LRGUK: variants seen among roughly 807,000 people sequenced by gnomAD.
The protein encoded by LRGUK is leucine rich repeats and guanylate kinase domain containing.
A neutral mutation model predicts 76.0 loss-of-function variants in LRGUK; 65 were observed. The observed-to-expected ratio is 0.85, with a 90% CI of 0.70 to 1.05. The LOEUF (loss-of-function observed/expected upper bound fraction) is 1.05, where lower values mean the gene tolerates loss of function less well. Among genes scored for constraint, LRGUK ranks in the 50% least tolerant of loss-of-function variants. The pLI is 0.00. For synonymous variants in LRGUK, 268 were observed against 265.6 expected (o/e 1.01, Z -0.09); for missense variants, 758 against 732.8 (o/e 1.03, Z -0.40).
chr7:134,175,311 CT>C (rs1423306069), intron 8 of LRGUK, among the ~76,000 whole-genome samples: 1 of 152,092 alleles, frequency 6.6e-6, no homozygotes, highest in Non-Finnish European at 1.5e-5. Flanking sequence ...TCCACAGGCT[CT>C]TGACTTTGCA....
intron 16 of LRGUK, among the ~76,000 whole-genome samples, chr7:134,244,856 C>T (rs1357910840): frequency 6.6e-6 from 1 of 152,088 alleles, no homozygotes; most frequent in East Asian, 1.9e-4. Context: ...ACATACACCA[C>T]GAATACTACG....
In LRGUK at chr7:134,147,434, CA is replaced by C. The variant is rs11431531; in HGVS notation, c.589-787del. ...TGAGCGACAGAGCGAGACTCCACCT[CA>C]AAAAAAAAAAAAAAAATTCTGGCAT... On this transcript the variant is annotated intron_variant, in intron 4 of 15. Coordinates refer to ENST00000645682, the Ensembl canonical transcript of LRGUK. 2.6e-3 allele frequency among the ~76,000 whole-genome samples: 266 copies of C among 101,840 alleles called. 2 individuals carry two copies. Among genetic ancestry groups the C allele is most frequent in the Admixed American group, 4.5e-3 (44 of 9,770 alleles). The allele number at this position is 101,840 out of a possible 152,430, so 66.8% of individuals were successfully genotyped here.
intron 16 of LRGUK, among the ~76,000 whole-genome samples, chr7:134,236,437 C>T (rs186527819): frequency 1.6e-4 from 24 of 152,172 alleles, no homozygotes; most frequent in African/African-American, 5.5e-4. Context: ...TTTACAAGTT[C>T]CTGTTAAAGG....
At chr7:134,252,339 T>TAATTA (rs146773478) in intron 18 of LRGUK, among the ~76,000 whole-genome samples, 39,921 of 145,562 alleles carry the variant, frequency 0.27, 5,929 homozygotes, top group Middle Eastern at 0.32. Flanking sequence ...CTCAAATAGA[T>TAATTA]AATTAAATTA....
chr7:134,179,950 T>C (rs1799666492), intron 10 of LRGUK, among the ~76,000 whole-genome samples: 1 of 152,172 alleles, frequency 6.6e-6, no homozygotes, highest in Non-Finnish European at 1.5e-5. Flanking sequence ...CTTTGGGACT[T>C]GTATGCTGCC....
intron 18 of LRGUK, among the ~76,000 whole-genome samples, chr7:134,257,241 C>T (rs1205083464): frequency 6.6e-6 from 1 of 152,198 alleles, no homozygotes; most frequent in African/African-American, 2.4e-5. Flanking sequence ...AACGTAATGG[C>T]TTAAATATCA....
At chr7:134,132,027 C>T (rs1042195852) in intron 1 of LRGUK, among the ~76,000 whole-genome samples, 1 of 152,058 alleles carries the variant, frequency 6.6e-6, no homozygotes, top group East Asian at 1.9e-4. Flanking sequence ...AGAAAGAAGA[C>T]CTATATGATA....
intron 18 of LRGUK, among the ~76,000 whole-genome samples, chr7:134,249,575 A>G (rs974470676): frequency 6.6e-6 from 1 of 152,194 alleles, no homozygotes; most frequent in Non-Finnish European, 1.5e-5. Flanking sequence ...CACCTTGGCC[A>G]AAGAGTGTCT....
At chr7:134,251,754 A>G (rs1432935643) in intron 18 of LRGUK, among the ~76,000 whole-genome samples, 3 of 152,212 alleles carry the variant, frequency 2.0e-5, no homozygotes, top group South Asian at 2.1e-4. Flanking sequence ...CATTTGATAA[A>G]AAGCTCTATC....
intron 3 of LRGUK, among the ~76,000 whole-genome samples, chr7:134,139,722 G>A (rs952758984): frequency 1.3e-5 from 2 of 152,198 alleles, no homozygotes; most frequent in African/African-American, 4.8e-5. Context: ...TGATGTGGCT[G>A]AGATGCAGTC....
intron 16 of LRGUK, among the ~76,000 whole-genome samples, chr7:134,236,748 T>A (rs185487520): frequency 3.7e-4 from 56 of 152,358 alleles, no homozygotes; most frequent in African/African-American, 1.3e-3. Flanking sequence ...AAAAACAAGC[T>A]TATTTTCTGA....
At chr7:134,188,068 A>G (rs757392109) in intron 11 of LRGUK, among the ~76,000 whole-genome samples, 1 of 152,346 alleles carries the variant, frequency 6.6e-6, no homozygotes, top group East Asian at 1.9e-4. Flanking sequence ...TATTCATTCA[A>G]TATTTATCGA....
chr7:134,195,639 C>T (rs776963655), intron 12 of LRGUK, among the ~76,000 whole-genome samples: 7 of 152,080 alleles, frequency 4.6e-5, no homozygotes, highest in Non-Finnish European at 8.8e-5. Flanking sequence ...ATGTTCATCT[C>T]ACCCCAAACA....
chr7:134,156,232 C>T (rs932197988), intron 5 of LRGUK, among the ~76,000 whole-genome samples: 1 of 152,114 alleles, frequency 6.6e-6, no homozygotes, highest in South Asian at 2.1e-4. Flanking sequence ...TAGATTCACT[C>T]TTTCGGAAAT....
At chr7:134,140,108 A>G (rs934027171) in intron 3 of LRGUK, among the ~76,000 whole-genome samples, 2 of 152,078 alleles carry the variant, frequency 1.3e-5, no homozygotes, top group African/African-American at 4.8e-5. Context: ...AGCTGGGACT[A>G]CAGGCACGCA....
intron 2 of LRGUK, 128 bp from the exon 3 acceptor site, chr7:134,139,308 T>C: frequency 1.6e-6 from 1 of 623,630 alleles, no homozygotes. Flanking sequence ...GCTTCAGATT[T>C]TGTTCTCTCT....
chr7:134,187,101 T>C (rs947696793), intron 11 of LRGUK, among the ~76,000 whole-genome samples: 7 of 152,118 alleles, frequency 4.6e-5, no homozygotes, highest in Non-Finnish European at 1.0e-4. Context: ...TGGAAAAGGA[T>C]ATTAGATAGC....
intron 15 of LRGUK, among the ~76,000 whole-genome samples, chr7:134,205,040 G>A (rs541221421): frequency 8.5e-4 from 130 of 152,336 alleles, no homozygotes; most frequent in African/African-American, 2.9e-3. Context: ...TGTTAACAGC[G>A]AAAGGACAAA....
rs192698464 is a variant in LRGUK, at chr7:134,225,787, C to A, written c.1983+3869C>A. On this transcript the variant is annotated intron_variant, in intron 16 of 19. Transcript: ENST00000285928. ...GATCTCATAGGTTGTTAACCTTTTG[C>A]ACAGCTGGTATAATGCTGCAAAACA... Among the ~76,000 whole-genome samples, 139 of 152,268 alleles carry A rather than the reference C, an allele frequency of 9.1e-4. 1 individual carries two copies. The highest frequency in any genetic ancestry group is 2.5e-3 in the South Asian group (12 of 4,826).
Sources: gnomAD v4.1 joint callset for allele counts (sites outside exome capture counted in the v4.1 genomes callset) on GRCh38, gnomAD v4.1.1 for gene constraint, MANE v1.5 for transcripts, NCBI Gene and HGNC (gene_info 2026-07-23, HGNC 2026-07-21) for gene names.